The following CSMD1 variants were observed in gnomAD, a reference collection of about 807,000 sequenced individuals.
The protein encoded by CSMD1 is CUB and Sushi multiple domains 1.
A neutral mutation model predicts 417.5 loss-of-function variants in CSMD1; 213 were observed. That is an observed-to-expected ratio of 0.51 (90% CI 0.46 to 0.57). The LOEUF (loss-of-function observed/expected upper bound fraction) is 0.57. Ranked by LOEUF, CSMD1 falls within the 20% of genes least tolerant of loss-of-function variation. The probability of loss-of-function intolerance (pLI) is 0.00; values close to 1 mark genes in which losing one functional copy is unlikely to be tolerated. For synonymous variants in CSMD1, 2,862 were observed against 1,736.8 expected (o/e 1.65, Z -16.11); for missense variants, 6,923 against 4,529.7 (o/e 1.53, Z -15.17).
chr8:4,897,906 C>T (rs1027346375), intron 1 of CSMD1, among the ~76,000 whole-genome samples: 5 of 152,056 alleles, frequency 3.3e-5, no homozygotes, highest in African/African-American at 1.2e-4. Flanking sequence ...CAAGGCGTGG[C>T]TTTGTTAAGT....
chr8:3,229,893 A>G lies in CSMD1; in HGVS notation c.4345+147T>C, dbSNP rs983318193. The stretch of plus-strand genomic sequence containing the variant: ...AAAATAAAGTTTAAAGGTTTACAAT[A>G]AAATTTCAGGAGTCTCAGAGAGCCA... On this transcript the variant is annotated intron_variant, in intron 27 of 69. Coordinates refer to ENST00000635120, the MANE Select transcript of CSMD1 (RefSeq NM_033225.6). 3.7e-5 allele frequency: 21 copies of G among 566,944 alleles called. No individual in the cohort carries two copies. The African/African-American group carries it at 3.8e-4, about 10-fold the overall frequency. The allele number at this position is 566,944 out of a possible 1,614,324, so 35.1% of individuals were successfully genotyped here.
intron 1 of CSMD1, among the ~76,000 whole-genome samples, chr8:4,677,958 T>C (rs1008539308): frequency 6.6e-6 from 1 of 151,960 alleles, no homozygotes; most frequent in East Asian, 1.9e-4. Context: ...AAAAATGAAA[T>C]AGACATAAAG....
chr8:4,868,149 G>A (rs560614824), intron 1 of CSMD1, among the ~76,000 whole-genome samples: 1 of 152,164 alleles, frequency 6.6e-6, no homozygotes, highest in East Asian at 1.9e-4. Context: ...GAAATAATGG[G>A]TTGATGGGAG....
intron 18 of CSMD1, among the ~76,000 whole-genome samples, chr8:3,385,966 G>A (rs9886491): frequency 0.018 from 2,720 of 152,158 alleles, 86 homozygotes; most frequent in African/African-American, 0.062. Context: ...TGAAATAGAA[G>A]AGGAATTAAG....
intron 5 of CSMD1, among the ~76,000 whole-genome samples, chr8:3,878,152 T>G (rs1443149543): frequency 6.6e-6 from 1 of 152,154 alleles, no homozygotes; most frequent in Non-Finnish European, 1.5e-5. Flanking sequence ...TCTTTGTACA[T>G]TTTTTGCACG....
chr8:3,669,089 T>C (rs1292883778), intron 7 of CSMD1, among the ~76,000 whole-genome samples: 1 of 152,196 alleles, frequency 6.6e-6, no homozygotes, highest in South Asian at 2.1e-4. Context: ...AATATGATTG[T>C]GGAAGCCATT....
chr8:3,023,757 A>G (rs908388264), intron 51 of CSMD1, among the ~76,000 whole-genome samples: 5 of 151,980 alleles, frequency 3.3e-5, no homozygotes, highest in African/African-American at 1.2e-4. Flanking sequence ...AGAAAGGGAA[A>G]TTCTATTTCC....
At chr8:3,517,075 G>T (rs1483322755) in intron 10 of CSMD1, among the ~76,000 whole-genome samples, 1 of 152,188 alleles carries the variant, frequency 6.6e-6, no homozygotes, top group East Asian at 1.9e-4. Context: ...ACAGCTCCAG[G>T]GAAGGGGCAT....
At chr8:4,385,161 AGG>A (rs1803364029) in intron 3 of CSMD1, among the ~76,000 whole-genome samples, 1 of 50,182 alleles carries the variant, frequency 2.0e-5, no homozygotes, top group Non-Finnish European at 4.0e-5. Context: ...TCCTGACCTC[AGG>A]TGATCCTCCC....
intron 3 of CSMD1, among the ~76,000 whole-genome samples, chr8:4,033,304 T>C (rs555834735): frequency 7.2e-5 from 11 of 151,876 alleles, no homozygotes; most frequent in South Asian, 6.3e-4. Flanking sequence ...TAGCCGGGCG[T>C]GGTGGCGGGC....
chr8:4,842,361 T>G (rs1362160028), intron 1 of CSMD1, among the ~76,000 whole-genome samples: 1 of 152,240 alleles, frequency 6.6e-6, no homozygotes, highest in African/African-American at 2.4e-5. Context: ...TGGCTTAAAT[T>G]AAAACTTCTT....
chr8:4,720,326 C>T (rs147970734), intron 1 of CSMD1, among the ~76,000 whole-genome samples: 1 of 152,190 alleles, frequency 6.6e-6, no homozygotes, highest in African/African-American at 2.4e-5. Flanking sequence ...AAATCTATTG[C>T]ACCAGAATAA....
At chr8:4,222,603 G>C (rs923531033) in intron 3 of CSMD1, among the ~76,000 whole-genome samples, 4 of 152,166 alleles carry the variant, frequency 2.6e-5, no homozygotes, top group Non-Finnish European at 5.9e-5. Flanking sequence ...CCGAAGCCTG[G>C]CTGCTCCCAC....
At chr8:4,079,092 G>A (rs191354360) in intron 3 of CSMD1, among the ~76,000 whole-genome samples, 9 of 151,632 alleles carry the variant, frequency 5.9e-5, no homozygotes, top group East Asian at 1.9e-4. Context: ...TACCAGGGTC[G>A]GTTCAAATAG....
chr8:3,150,273 C>T (rs1819112712), intron 40 of CSMD1, among the ~76,000 whole-genome samples: 1 of 152,212 alleles, frequency 6.6e-6, no homozygotes, highest in Non-Finnish European at 1.5e-5. Context: ...CCACCGTGGC[C>T]TCCTACAGAT....
intron 40 of CSMD1, among the ~76,000 whole-genome samples, chr8:3,145,627 G>C (rs943951820): frequency 2.6e-5 from 4 of 152,110 alleles, no homozygotes; most frequent in Non-Finnish European, 5.9e-5. Context: ...TCAGAAAATA[G>C]AACAGAGCCC....
intron 10 of CSMD1, among the ~76,000 whole-genome samples, chr8:3,546,008 C>T (rs562661617): frequency 6.5e-4 from 99 of 152,334 alleles, no homozygotes; most frequent in Non-Finnish European, 9.8e-4. Context: ...AGTCACATGA[C>T]ACTGAGAAAG....
chr8:4,111,146 T>C (rs1801833618), intron 3 of CSMD1, among the ~76,000 whole-genome samples: 2 of 152,198 alleles, frequency 1.3e-5, no homozygotes, highest in South Asian at 4.1e-4. Context: ...TCGTACACTC[T>C]AATGATTTCG....
At chr8:4,943,390 G>A (rs1410213943) in intron 1 of CSMD1, among the ~76,000 whole-genome samples, 1 of 151,934 alleles carries the variant, frequency 6.6e-6, no homozygotes, top group African/African-American at 2.4e-5. Flanking sequence ...CAGTTACTCG[G>A]GAGGCTGAGG....
Sources: gnomAD v4.1 joint callset for allele counts (sites outside exome capture counted in the v4.1 genomes callset) on GRCh38, gnomAD v4.1.1 for gene constraint, MANE v1.5 for transcripts, NCBI Gene and HGNC (gene_info 2026-07-23, HGNC 2026-07-21) for gene names.